TBC1D22A: variants seen among roughly 807,000 people sequenced by gnomAD.
The protein encoded by TBC1D22A is putative GTPase activator.
A neutral mutation model predicts 60.2 loss-of-function variants in TBC1D22A; 38 were observed. That is an observed-to-expected ratio of 0.63 (90% confidence interval 0.49 to 0.83). The LOEUF is 0.83. TBC1D22A is among the 40% of genes least tolerant of loss of function. TBC1D22A has a pLI of 0.00. For synonymous variants in TBC1D22A, 302 were observed against 281.7 expected (o/e 1.07, Z -0.72); for missense variants, 628 against 701.0 (o/e 0.90, Z 1.18).
chr22:46,821,475 G>C (rs370998593), intron 4 of TBC1D22A, among the ~76,000 whole-genome samples: 2 of 152,246 alleles, frequency 1.3e-5, no homozygotes, highest in East Asian at 3.9e-4. Flanking sequence ...ATTTGCTTGT[G>C]TGGAAAGGAT....
intron 12 of TBC1D22A, among the ~76,000 whole-genome samples, chr22:47,114,310 T>TG (rs1273361677): frequency 6.6e-6 from 1 of 151,874 alleles, no homozygotes; most frequent in Non-Finnish European, 1.5e-5. Flanking sequence ...TGAGAGCCTG[T>TG]GGGGCCCCTG....
intron 10 of TBC1D22A, among the ~76,000 whole-genome samples, chr22:47,012,859 C>T (rs565675650): frequency 1.5e-4 from 23 of 152,154 alleles, no homozygotes; most frequent in South Asian, 6.2e-4. Context: ...ACAGTTGTTC[C>T]GAGAGCTCAT....
chr22:46,951,719 A>G (rs1043164291), intron 8 of TBC1D22A, among the ~76,000 whole-genome samples: 2 of 152,248 alleles, frequency 1.3e-5, no homozygotes, highest in African/African-American at 4.8e-5. Context: ...TTTCAGATCC[A>G]TGCAAAATTC....
intron 10 of TBC1D22A, among the ~76,000 whole-genome samples, chr22:47,031,740 G>A (rs926590610): frequency 6.6e-5 from 10 of 152,164 alleles, no homozygotes; most frequent in Admixed American, 4.6e-4. Flanking sequence ...ACAGGTGAGG[G>A]GCCGGGGTCC....
chr22:47,039,357 T>G (rs2062760236), intron 11 of TBC1D22A, among the ~76,000 whole-genome samples: 1 of 152,176 alleles, frequency 6.6e-6, no homozygotes, highest in African/African-American at 2.4e-5. Context: ...ATTGCATCTT[T>G]TGGCAATGAA....
At chr22:46,785,608 C>T (rs539086763) in intron 1 of TBC1D22A, among the ~76,000 whole-genome samples, 1 of 152,336 alleles carries the variant, frequency 6.6e-6, no homozygotes, top group African/African-American at 2.4e-5. Flanking sequence ...CCCTGCCTTC[C>T]TCCCTGTTCT....
chr22:46,910,662 C>A lies in TBC1D22A; in HGVS notation c.901-1412C>A, dbSNP rs78481702. Reference sequence around the variant, plus strand: ...GAGGAGTGGGAACTAGAGGGCCACACAGTAGGGAGTGGTTGGCTCTTCCAA... The same window carrying A: ...GAGGAGTGGGAACTAGAGGGCCACAAAGTAGGGAGTGGTTGGCTCTTCCAA... On this transcript the variant is annotated intron_variant, in intron 7 of 12. Coordinates refer to ENST00000337137, the MANE Select transcript of TBC1D22A (RefSeq NM_014346.5). Among the ~76,000 whole-genome samples, 1,178 of 152,166 alleles carry A rather than the reference C, an allele frequency of 7.7e-3. 12 individuals are homozygous for A. The highest frequency in any genetic ancestry group is 0.026 in the African/African-American group (1,081 of 41,484).
At chr22:46,787,178 A>G (rs899262470) in intron 1 of TBC1D22A, among the ~76,000 whole-genome samples, 1 of 152,062 alleles carries the variant, frequency 6.6e-6, no homozygotes, top group African/African-American at 2.4e-5. Context: ...TGTCTTTTCC[A>G]TCATGTCTGA....
chr22:47,067,790 G>A (rs766563908), intron 11 of TBC1D22A, among the ~76,000 whole-genome samples: 2 of 152,170 alleles, frequency 1.3e-5, no homozygotes, highest in African/African-American at 4.8e-5. Flanking sequence ...GCTTGCATAC[G>A]TGCACTCACA....
At chr22:46,873,102 A>G (rs2067368574) in intron 4 of TBC1D22A, among the ~76,000 whole-genome samples, 1 of 152,208 alleles carries the variant, frequency 6.6e-6, no homozygotes, top group South Asian at 2.1e-4. Flanking sequence ...CTGGCATTCA[A>G]TAAAAAAGTA....
At chr22:46,824,086 C>G (rs952705953) in intron 4 of TBC1D22A, among the ~76,000 whole-genome samples, 1 of 152,200 alleles carries the variant, frequency 6.6e-6, no homozygotes, top group Non-Finnish European at 1.5e-5. Context: ...ATCACCATAA[C>G]ACGTTATAAA....
At chr22:46,785,972 A>G (rs144594750) in intron 1 of TBC1D22A, among the ~76,000 whole-genome samples, 17 of 152,216 alleles carry the variant, frequency 1.1e-4, no homozygotes, top group African/African-American at 3.9e-4. Flanking sequence ...GTAGAGATCA[A>G]GGTCTCACTT....
At position 46,803,857 on chromosome 22, in the gene TBC1D22A, C is replaced by T. The variant is rs117151756; in HGVS notation, c.637+6237C>T. Among the ~76,000 whole-genome samples, 224 of 152,326 alleles carry T rather than the reference C, an allele frequency of 1.5e-3. 6 individuals are homozygous for T. The East Asian group carries it at 0.038, about 26-fold the overall frequency. The stretch of plus-strand genomic sequence containing the variant: ...CAGTCCTTCTGTGCATGCACTGGCC[C>T]AGCCACACCCAGATCCTTGCTGGCC... On this transcript the variant is annotated intron_variant, in intron 4 of 12. Coordinates refer to ENST00000337137, the MANE Select transcript of TBC1D22A (RefSeq NM_014346.5).
At chr22:47,062,770 A>C (rs560744686) in intron 11 of TBC1D22A, among the ~76,000 whole-genome samples, 36 of 152,240 alleles carry the variant, frequency 2.4e-4, no homozygotes, top group Middle Eastern at 3.4e-3. Flanking sequence ...TTAAGTCATT[A>C]AGTTTGGGGT....
At chr22:46,855,293 C>T (rs1025419676) in intron 4 of TBC1D22A, among the ~76,000 whole-genome samples, 3 of 152,264 alleles carry the variant, frequency 2.0e-5, no homozygotes, top group Non-Finnish European at 2.9e-5. Flanking sequence ...CCACTGAAAT[C>T]TAGCTTACCC....
intron 8 of TBC1D22A, among the ~76,000 whole-genome samples, chr22:46,928,290 A>G (rs1241832393): frequency 2.0e-5 from 3 of 152,212 alleles, no homozygotes; most frequent in East Asian, 1.9e-4. Flanking sequence ...TGGTCAATTG[A>G]TTTCTGACAA....
chr22:46,902,986 G>A (rs956451344), intron 7 of TBC1D22A, among the ~76,000 whole-genome samples: 1 of 152,170 alleles, frequency 6.6e-6, no homozygotes, highest in Non-Finnish European at 1.5e-5. Flanking sequence ...CCGAGGAGGG[G>A]CAGCGTATGG....
intron 1 of TBC1D22A, among the ~76,000 whole-genome samples, chr22:46,765,881 G>A (rs1460235586): frequency 2.0e-5 from 3 of 150,494 alleles, no homozygotes; most frequent in African/African-American, 7.3e-5. Flanking sequence ...CCTGGGTCCC[G>A]GTTGAAGCAG....
intron 11 of TBC1D22A, among the ~76,000 whole-genome samples, chr22:47,106,785 C>T (rs995895852): frequency 3.9e-5 from 6 of 152,110 alleles, no homozygotes; most frequent in African/African-American, 1.4e-4. Flanking sequence ...CTTTCGGAGG[C>T]TGAGGTGGGT....
Sources: gnomAD v4.1 joint callset for allele counts (sites outside exome capture counted in the v4.1 genomes callset) on GRCh38, gnomAD v4.1.1 for gene constraint, MANE v1.5 for transcripts, NCBI Gene and HGNC (gene_info 2026-07-23, HGNC 2026-07-21) for gene names.